The following MTUS2 variants were observed in gnomAD, a reference collection of about 807,000 sequenced individuals.
MTUS2 encodes the protein microtubule-associated tumor suppressor candidate 2.
In MTUS2, 40 loss-of-function variants were observed where a neutral mutation model predicts 114.1. The ratio of observed to expected loss-of-function variants is 0.35; its 90% CI spans 0.27 to 0.46. MTUS2 has a LOEUF of 0.46. MTUS2 is among the 20% of genes least tolerant of loss of function. MTUS2 has a pLI of 1.00. For synonymous variants in MTUS2, 688 were observed against 672.0 expected (o/e 1.02, Z -0.37); for missense variants, 1,679 against 1,705.4 (o/e 0.98, Z 0.27).
chr13:29,054,400 A>C (rs1046013598), intron 4 of MTUS2, among the ~76,000 whole-genome samples: 12 of 152,104 alleles, frequency 7.9e-5, no homozygotes, highest in Non-Finnish European at 1.3e-4. Flanking sequence ...TCTTTCAAAG[A>C]GTAGACTTTT....
rs148126120 is a variant in MTUS2 at position 29,058,833 on chromosome 13, G to T, written c.2446+24708G>T. Among the ~76,000 whole-genome samples the T allele has an allele frequency of 2.6e-3, 394 of 151,522 alleles. 3 individuals carry two copies. Among genetic ancestry groups the T allele is most frequent in the Non-Finnish European group, 5.0e-3 (340 of 67,882 alleles). On this transcript the variant is annotated intron_variant, in intron 4 of 15. Coordinates refer to ENST00000612955, the MANE Select transcript of MTUS2 (RefSeq NM_001033602.4). Reference sequence around the variant, plus strand: ...GCGGTGTTTGGTTTTTTGTCCTTACGATAGTTTGCGTTGATTCTGCTGTTA... The same window carrying T: ...GCGGTGTTTGGTTTTTTGTCCTTACTATAGTTTGCGTTGATTCTGCTGTTA...
chr13:29,143,035 A>G (rs1892290616), intron 5 of MTUS2, among the ~76,000 whole-genome samples: 2 of 152,338 alleles, frequency 1.3e-5, no homozygotes, highest in African/African-American at 2.4e-5. Flanking sequence ...AGTATCTACC[A>G]GGGTCTTTAA....
intron 6 of MTUS2, among the ~76,000 whole-genome samples, chr13:29,288,527 T>C (rs1292648005): frequency 6.6e-6 from 1 of 152,072 alleles, no homozygotes; most frequent in Non-Finnish European, 1.5e-5. Context: ...TGCCTCTGTG[T>C]ATAGAAATGT....
intron 2 of MTUS2, among the ~76,000 whole-genome samples, chr13:28,846,052 A>AT (rs1875858213): frequency 1.1e-5 from 1 of 93,212 alleles, no homozygotes; most frequent in African/African-American, 3.9e-5. Context: ...TTCTTAAAAA[A>AT]AAAATATATA....
chr13:28,993,683 C>T (rs4002260), intron 2 of MTUS2, among the ~76,000 whole-genome samples: 4,270 of 152,040 alleles, frequency 0.028, 98 homozygotes, highest in African/African-American at 0.062. Flanking sequence ...TCCCTGTTAT[C>T]TTTGTTGACT....
intron 8 of MTUS2, among the ~76,000 whole-genome samples, chr13:29,423,863 A>ATT (rs374587144): frequency 3.4e-4 from 49 of 142,734 alleles, no homozygotes; most frequent in African/African-American, 9.7e-4. Context: ...GTTAACAGTA[A>ATT]TTTTTTTTTT....
intron 5 of MTUS2, among the ~76,000 whole-genome samples, chr13:29,213,997 T>A (rs1895567937): frequency 6.6e-6 from 1 of 152,138 alleles, no homozygotes; most frequent in Non-Finnish European, 1.5e-5. Context: ...CAGTGGTTGT[T>A]TTAGGGTTCA....
At chr13:29,446,115 T>C (rs762838160) in intron 9 of MTUS2, among the ~76,000 whole-genome samples, 4 of 152,162 alleles carry the variant, frequency 2.6e-5, no homozygotes, top group Non-Finnish European at 5.9e-5. Flanking sequence ...GGAATCATTA[T>C]GAGTCACAAA....
At position 29,226,303 on chromosome 13, in the gene MTUS2, T is replaced by C. The variant is rs542572701; in HGVS notation, c.2645-55401T>C. On this transcript the variant is annotated intron_variant, in intron 5 of 15. Coordinates refer to ENST00000612955, the MANE Select transcript of MTUS2 (RefSeq NM_001033602.4). ...ACCAAATAATATTTGACATGTACAG[T>C]GAAATTTAACTGCTAAACTTAGGTG... is the stretch of plus-strand genomic sequence containing the variant. 3.8e-4 allele frequency among the ~76,000 whole-genome samples: 58 copies of C among 152,366 alleles called. No individual in the cohort carries two copies. The Middle Eastern group carries it at 0.01, about 27-fold the overall frequency.
intron 9 of MTUS2, among the ~76,000 whole-genome samples, chr13:29,477,652 A>G (rs916309580): frequency 6.6e-6 from 1 of 152,168 alleles, no homozygotes; most frequent in Non-Finnish European, 1.5e-5. Context: ...TCATACTAAT[A>G]ATTATTAGCA....
intron 9 of MTUS2, among the ~76,000 whole-genome samples, chr13:29,444,030 T>C (rs1262354960): frequency 1.3e-5 from 2 of 152,206 alleles, no homozygotes; most frequent in African/African-American, 4.8e-5. Flanking sequence ...GCTTAAACTG[T>C]TTCATATCCA....
At chr13:29,071,525 C>T (rs1219770238) in intron 4 of MTUS2, among the ~76,000 whole-genome samples, 1 of 136,710 alleles carries the variant, frequency 7.3e-6, no homozygotes, top group Non-Finnish European at 1.5e-5. Flanking sequence ...CTCCCGGGTT[C>T]AAGTGATTCT....
chr13:29,166,980 A>G (rs1893341825), intron 5 of MTUS2, among the ~76,000 whole-genome samples: 1 of 152,216 alleles, frequency 6.6e-6, no homozygotes, highest in Non-Finnish European at 1.5e-5. Flanking sequence ...AGAAGTATCT[A>G]CCAAGCCATG....
intron 5 of MTUS2, among the ~76,000 whole-genome samples, chr13:29,257,484 C>T (rs903785250): frequency 4.6e-5 from 7 of 152,082 alleles, no homozygotes; most frequent in South Asian, 4.2e-4. Context: ...CCAGGTAGAG[C>T]GAATAAAAAA....
intron 4 of MTUS2, among the ~76,000 whole-genome samples, chr13:29,066,350 A>G (rs1400743352): frequency 6.6e-6 from 1 of 152,244 alleles, no homozygotes; most frequent in Admixed American, 6.5e-5. Flanking sequence ...GGGATTTAAA[A>G]CATCAAGATC....
At chr13:29,074,076 T>A (rs1316128796) in intron 4 of MTUS2, among the ~76,000 whole-genome samples, 1 of 152,092 alleles carries the variant, frequency 6.6e-6, no homozygotes, top group Non-Finnish European at 1.5e-5. Flanking sequence ...GCCTTGCCCC[T>A]CTCCAGCCCA....
At chr13:29,068,558 A>G (rs1593441965) in intron 4 of MTUS2, among the ~76,000 whole-genome samples, 3 of 152,078 alleles carry the variant, frequency 2.0e-5, no homozygotes, top group East Asian at 1.9e-4. Flanking sequence ...GAGGTTCCAC[A>G]GTCAATTATG....
At chr13:29,495,954 ATATC>A (rs1329228918) in intron 12 of MTUS2, among the ~76,000 whole-genome samples, 3 of 151,714 alleles carry the variant, frequency 2.0e-5, no homozygotes, top group African/African-American at 7.3e-5. Flanking sequence ...ATCTATATCT[ATATC>A]TATATATTTT....
chr13:29,120,846 A>G (rs1891279185), intron 5 of MTUS2, among the ~76,000 whole-genome samples: 1 of 152,242 alleles, frequency 6.6e-6, no homozygotes, highest in African/African-American at 2.4e-5. Context: ...TCTGACAAAA[A>G]TTAAAAGATG....
Sources: gnomAD v4.1 joint callset for allele counts (sites outside exome capture counted in the v4.1 genomes callset) on GRCh38, gnomAD v4.1.1 for gene constraint, MANE v1.5 for transcripts, NCBI Gene and HGNC (gene_info 2026-07-23, HGNC 2026-07-21) for gene names.